TMEM45A: variants seen among roughly 807,000 people sequenced by gnomAD.
TMEM45A encodes DNA polymerase-transactivated protein 4.
Under a neutral mutation model 32.0 loss-of-function variants are expected in TMEM45A, and 25 were observed. That is an observed-to-expected ratio of 0.78 (90% CI 0.57 to 1.09). The LOEUF is 1.09. TMEM45A is among the 50% of genes least tolerant of loss of function. The pLI, the probability that TMEM45A is intolerant of heterozygous loss-of-function variation, is 0.00. For synonymous variants in TMEM45A, 122 were observed against 114.8 expected (o/e 1.06, Z -0.40); for missense variants, 302 against 325.0 (o/e 0.93, Z 0.54).
chr3:100,517,369 A>G (rs1708280602), intron 1 of TMEM45A, among the ~76,000 whole-genome samples: 1 of 152,230 alleles, frequency 6.6e-6, no homozygotes, highest in South Asian at 2.1e-4. Context: ...TATAGGCATA[A>G]GCCACCGCAC....
chr3:100,493,017 C>T (rs1707869403), intron 1 of TMEM45A, 89 bp downstream of exon 1: 2 of 152,088 alleles, frequency 1.3e-5, no homozygotes, highest in South Asian at 4.2e-4. Context: ...GCTTTCTCTT[C>T]ATCAAGGGGA....
chr3:100,541,268 C>G (rs780143775), intron 1 of TMEM45A, among the ~76,000 whole-genome samples: 1 of 152,118 alleles, frequency 6.6e-6, no homozygotes, highest in Non-Finnish European at 1.5e-5. Context: ...CGCTCCCATT[C>G]TATAGGTTGC....
intron 4 of TMEM45A, among the ~76,000 whole-genome samples, chr3:100,565,815 A>G (rs1458811517): frequency 6.6e-6 from 1 of 152,188 alleles, no homozygotes; most frequent in Non-Finnish European, 1.5e-5. Flanking sequence ...TTTAAAGTGT[A>G]CAATTTAGTG....
chr3:100,566,037 T>C (rs577095417), intron 4 of TMEM45A, among the ~76,000 whole-genome samples: 1 of 152,354 alleles, frequency 6.6e-6, no homozygotes, highest in South Asian at 2.1e-4. Flanking sequence ...ATGTGAACTT[T>C]TGTGTCTGGC....
intron 1 of TMEM45A, among the ~76,000 whole-genome samples, chr3:100,546,861 T>A (rs150994411): frequency 9.3e-4 from 142 of 152,288 alleles, no homozygotes; most frequent in African/African-American, 3.2e-3. Context: ...GACTTTGAAA[T>A]CCTGGCTCTG....
chr3:100,536,741 C>T (rs547047244), intron 1 of TMEM45A, among the ~76,000 whole-genome samples: 2 of 152,330 alleles, frequency 1.3e-5, no homozygotes, highest in Non-Finnish European at 2.9e-5. Context: ...TAAAAATGGT[C>T]TCCTTTCTCT....
At chr3:100,568,037 G>A (rs1490137562) in intron 4 of TMEM45A, among the ~76,000 whole-genome samples, 3 of 151,996 alleles carry the variant, frequency 2.0e-5, no homozygotes, top group East Asian at 1.9e-4. Context: ...CACCCACCTC[G>A]GCCTCCCAAA....
At chr3:100,567,161 T>C (rs1363167781) in intron 4 of TMEM45A, among the ~76,000 whole-genome samples, 1 of 151,882 alleles carries the variant, frequency 6.6e-6, no homozygotes, top group East Asian at 1.9e-4. Context: ...TTTATATATA[T>C]ATAATTTTAT....
chr3:100,493,120 C>CATTT (rs1559630375), intron 1 of TMEM45A, among the ~76,000 whole-genome samples, 192 bp downstream of exon 1: 1 of 115,918 alleles, frequency 8.6e-6, no homozygotes, highest in Non-Finnish European at 1.8e-5. Context: ...GTTTGCTATT[C>CATTT]TTTTTTTTTT....
At chr3:100,503,756 CT>C (rs1460196508) in intron 1 of TMEM45A, among the ~76,000 whole-genome samples, 8 of 152,186 alleles carry the variant, frequency 5.3e-5, no homozygotes, top group African/African-American at 1.9e-4. Context: ...CAGGCTTCTT[CT>C]TGTTTTACCC....
At chr3:100,560,869 C>T (rs1339827517) in intron 4 of TMEM45A, among the ~76,000 whole-genome samples, 4 of 152,194 alleles carry the variant, frequency 2.6e-5, no homozygotes, top group Admixed American at 1.3e-4. Flanking sequence ...GTGGGTTATA[C>T]CTCAACTGGG....
intron 1 of TMEM45A, among the ~76,000 whole-genome samples, chr3:100,509,334 G>A (rs1272639479): frequency 6.6e-6 from 1 of 152,182 alleles, no homozygotes; most frequent in Non-Finnish European, 1.5e-5. Flanking sequence ...CATTGTTGGT[G>A]AGAATGTAAA....
At chr3:100,563,556 T>A (rs1374430972) in intron 4 of TMEM45A, among the ~76,000 whole-genome samples, 1 of 152,178 alleles carries the variant, frequency 6.6e-6, no homozygotes, top group East Asian at 1.9e-4. Flanking sequence ...TAAACACTCA[T>A]CTTCCCTAAA....
intron 4 of TMEM45A, among the ~76,000 whole-genome samples, chr3:100,560,446 T>A (rs529515488): frequency 6.6e-6 from 1 of 152,352 alleles, no homozygotes; most frequent in South Asian, 2.1e-4. Flanking sequence ...TAATTTTGAA[T>A]GTTATTTCCA....
At chr3:100,573,845 C>A (rs935083945) in intron 5 of TMEM45A, 1 of 152,174 alleles carries the variant, frequency 6.6e-6, no homozygotes, top group Non-Finnish European at 1.5e-5. Context: ...TTTTCTGCAT[C>A]TATTGAGATA....
rs1707866272 is a variant in TMEM45A at position 100,492,805 on chromosome 3, T to C, written c.-127T>C. ...TGGCCAGATCCCATCCAACACACGGTTTAATTTTCATGGGGCTCTGGGATC... is the reference window on the plus strand; with the variant it reads ...TGGCCAGATCCCATCCAACACACGGCTTAATTTTCATGGGGCTCTGGGATC... On this transcript the variant is annotated 5_prime_UTR_variant, in exon 1 of 6. Transcript: ENST00000323523. The C allele has an allele frequency of 1.4e-5, 2 of 142,124 alleles. No individual in the cohort carries two copies. Among genetic ancestry groups the C allele is most frequent in the Admixed American group, 7.3e-5 (1 of 13,780 alleles). The allele number at this position is 142,124 out of a possible 1,614,324, so 8.8% of individuals were successfully genotyped here. A position where few individuals can be genotyped will look rare whatever the true frequency, so the allele number is the denominator to read the frequency against.
chr3:100,527,093 C>T (rs923655187), intron 1 of TMEM45A, among the ~76,000 whole-genome samples: 7 of 151,984 alleles, frequency 4.6e-5, no homozygotes, highest in Admixed American at 6.6e-5. Flanking sequence ...AGCAAGAGAC[C>T]GCCTTTCTTT....
chr3:100,500,211 T>C (rs1028575014), intron 1 of TMEM45A, among the ~76,000 whole-genome samples: 3 of 152,314 alleles, frequency 2.0e-5, no homozygotes, highest in East Asian at 1.9e-4. Flanking sequence ...TATTTTAAAA[T>C]ATACATGGGA....
intron 5 of TMEM45A, among the ~76,000 whole-genome samples, chr3:100,575,185 T>C (rs146377492): frequency 1.4e-4 from 21 of 152,278 alleles, no homozygotes; most frequent in African/African-American, 4.3e-4. Context: ...TTTGTTGATA[T>C]GGTCACAGCA....
Sources: gnomAD v4.1 joint callset for allele counts (sites outside exome capture counted in the v4.1 genomes callset) on GRCh38, gnomAD v4.1.1 for gene constraint, MANE v1.5 for transcripts, NCBI Gene and HGNC (gene_info 2026-07-23, HGNC 2026-07-21) for gene names.